The following KCNH1 variants were observed in gnomAD, a reference collection of about 807,000 sequenced individuals.
KCNH1 encodes the protein voltage-gated delayed rectifier potassium channel KCNH1.
A neutral mutation model predicts 69.2 loss-of-function variants in KCNH1; 27 were observed. The observed-to-expected ratio is 0.39, with a 90% confidence interval of 0.29 to 0.54. The LOEUF is 0.54. Among genes scored for constraint, KCNH1 ranks in the 20% least tolerant of loss-of-function variants. The pLI is 0.68. For missense variants in KCNH1, 798 were observed against 1,261.6 expected, an observed-to-expected ratio of 0.63 and a Z score of 5.57; for synonymous variants, 456 against 487.7, an observed-to-expected ratio of 0.93 and a Z score of 0.86.
At chr1:210,887,135 G>A (rs542677804) in intron 7 of KCNH1, among the ~76,000 whole-genome samples, 2 of 152,216 alleles carry the variant, frequency 1.3e-5, no homozygotes, top group African/African-American at 4.8e-5. Context: ...AACGTTAAGG[G>A]AAGCCAGAAA....
intron 7 of KCNH1, among the ~76,000 whole-genome samples, chr1:210,848,750 T>C (rs971401639): frequency 2.0e-5 from 3 of 152,190 alleles, no homozygotes; most frequent in African/African-American, 7.2e-5. Flanking sequence ...CATAATAATA[T>C]ACTATATATT....
chr1:210,697,734 C>T (rs1189715385), intron 10 of KCNH1, among the ~76,000 whole-genome samples: 1 of 152,246 alleles, frequency 6.6e-6, no homozygotes, highest in Non-Finnish European at 1.5e-5. Flanking sequence ...GCTCCTCACT[C>T]CTGGAGCCCA....
chr1:210,874,715 T>C (rs1382618089), intron 7 of KCNH1, among the ~76,000 whole-genome samples: 1 of 152,212 alleles, frequency 6.6e-6, no homozygotes, highest in Non-Finnish European at 1.5e-5. Flanking sequence ...CATATACATA[T>C]AGCAGCATAC....
At chr1:210,902,676 G>A (rs1287265611) in intron 7 of KCNH1, among the ~76,000 whole-genome samples, 1 of 152,008 alleles carries the variant, frequency 6.6e-6, no homozygotes, top group African/African-American at 2.4e-5. Flanking sequence ...TGGTGAAGTG[G>A]GCCCTCCATA....
At chr1:210,856,898 T>TATATATATATATATATATATATA (rs1410330503) in intron 7 of KCNH1, among the ~76,000 whole-genome samples, 1 of 121,692 alleles carries the variant, frequency 8.2e-6, no homozygotes, top group Non-Finnish European at 1.8e-5. Context: ...TATATATATA[T>TATATATATATATATATATATATA]AAAATACTCA....
intron 5 of KCNH1, among the ~76,000 whole-genome samples, chr1:211,076,998 G>T (rs923119176): frequency 3.3e-5 from 5 of 152,192 alleles, no homozygotes; most frequent in Non-Finnish European, 7.3e-5. Context: ...TCAAGTGGAA[G>T]AAAGGGTATC....
intron 5 of KCNH1, among the ~76,000 whole-genome samples, chr1:211,046,555 C>T (rs922507502): frequency 2.0e-5 from 3 of 152,110 alleles, no homozygotes; most frequent in Admixed American, 2.0e-4. Context: ...TATTATCATT[C>T]CTATTTTATA....
chr1:210,937,808 A>G (rs1235629896), intron 6 of KCNH1, among the ~76,000 whole-genome samples: 1 of 152,204 alleles, frequency 6.6e-6, no homozygotes, highest in African/African-American at 2.4e-5. Context: ...TGACTACTAC[A>G]ACAATTTAGA....
chr1:210,783,011 T>C (rs926295497), intron 9 of KCNH1, among the ~76,000 whole-genome samples: 1 of 152,226 alleles, frequency 6.6e-6, no homozygotes, highest in African/African-American at 2.4e-5. Flanking sequence ...GAAGTTTACA[T>C]GAATGAATGT....
chr1:210,809,166 C>T (rs1255427322), intron 7 of KCNH1, among the ~76,000 whole-genome samples: 1 of 137,418 alleles, frequency 7.3e-6, no homozygotes, highest in Non-Finnish European at 1.6e-5. Flanking sequence ...TGGAATTTGG[C>T]TGGGGAGGTG....
intron 6 of KCNH1, among the ~76,000 whole-genome samples, chr1:210,958,501 T>G (rs141251946): frequency 4.6e-5 from 7 of 152,338 alleles, no homozygotes; most frequent in Non-Finnish European, 8.8e-5. Context: ...TCCTGCAGAG[T>G]GTTTTCCAAC....
intron 7 of KCNH1, chr1:210,859,016 C>A: frequency 2.2e-6 from 1 of 464,726 alleles, no homozygotes; most frequent in Non-Finnish European, 3.9e-6. Flanking sequence ...GTTGCATGAT[C>A]AGGTCCCATC....
intron 1 of KCNH1, among the ~76,000 whole-genome samples, chr1:211,125,471 GAAAT>G (rs1400478273): frequency 6.6e-6 from 1 of 152,188 alleles, no homozygotes; most frequent in African/African-American, 2.4e-5. Flanking sequence ...CAATTTAATG[GAAAT>G]AAATATAGTC....
intron 6 of KCNH1, among the ~76,000 whole-genome samples, chr1:210,951,396 T>C (rs1434699510): frequency 6.6e-6 from 1 of 152,130 alleles, no homozygotes; most frequent in African/African-American, 2.4e-5. Flanking sequence ...AAGGAGAACG[T>C]TCTTGATGCT....
intron 7 of KCNH1, among the ~76,000 whole-genome samples, chr1:210,910,576 A>T (rs543424188): frequency 6.6e-6 from 1 of 152,324 alleles, no homozygotes; most frequent in South Asian, 2.1e-4. Flanking sequence ...CTAGGGTGGC[A>T]ACACAGACTG....
intron 7 of KCNH1, among the ~76,000 whole-genome samples, chr1:210,807,006 C>CAAAA (rs138837046): frequency 8.1e-6 from 1 of 123,776 alleles, no homozygotes; most frequent in Non-Finnish European, 1.6e-5. Context: ...GACTCCATCT[C>CAAAA]AAAAAAAAAA....
At chr1:210,920,666 AT>A (rs1275133569) in intron 6 of KCNH1, among the ~76,000 whole-genome samples, 2 of 151,308 alleles carry the variant, frequency 1.3e-5, no homozygotes, top group African/African-American at 4.9e-5. Context: ...AATTAAAAAA[AT>A]AAGTTTATAA....
At chr1:210,969,251 T>C (rs1688468619) in intron 6 of KCNH1, among the ~76,000 whole-genome samples, 1 of 152,016 alleles carries the variant, frequency 6.6e-6, no homozygotes. Context: ...TGCTTATGTG[T>C]TTTGGTTTTG....
chr1:210,852,131 A>G lies in KCNH1; in HGVS notation c.1463-47965T>C, dbSNP rs372713634. ...GGAGAATGAGGCTTTTTCCCTCTGGAGGTACAGAAAGCATCTCTAAGGGGA... is the reference window on the plus strand; with the variant it reads ...GGAGAATGAGGCTTTTTCCCTCTGGGGGTACAGAAAGCATCTCTAAGGGGA... On this transcript the variant is annotated intron_variant, in intron 7 of 10. Transcript: ENST00000271751. 2.6e-5 allele frequency among the ~76,000 whole-genome samples: 4 copies of G among 152,228 alleles called. No individual in the cohort carries two copies. The East Asian group carries it at 7.7e-4, about 29-fold the overall frequency.
Sources: gnomAD v4.1 joint callset for allele counts (sites outside exome capture counted in the v4.1 genomes callset) on GRCh38, gnomAD v4.1.1 for gene constraint, MANE v1.5 for transcripts, NCBI Gene and HGNC (gene_info 2026-07-23, HGNC 2026-07-21) for gene names.